SHD: variants seen among roughly 807,000 people sequenced by gnomAD.
SHD encodes Src homology 2 domain containing transforming protein D.
SHD carries 29 observed loss-of-function variants against 31.2 expected under a neutral mutation model. The observed-to-expected ratio is 0.93, with a 90% confidence interval of 0.69 to 1.27. The LOEUF is 1.27. Ranked by LOEUF, SHD falls within the 50% of genes most tolerant of loss-of-function variation. The pLI, the probability that SHD is intolerant of heterozygous loss-of-function variation, is 0.00. For missense variants in SHD, 520 were observed against 453.8 expected (o/e 1.15, Z -1.33); for synonymous variants, 208 against 187.8 (o/e 1.11, Z -0.88).
At chr19:4,288,509 G>T in intron 5 of SHD, 147 bp downstream of exon 5, 1 of 934,574 alleles carries the variant, frequency 1.1e-6, no homozygotes, top group Non-Finnish European at 1.5e-6. Flanking sequence ...AGGAGAAGGG[G>T]TGGGAGTTCT....
chr19:4,285,889 CTTTTTT>C lies in SHD; in HGVS notation c.716+1001_716+1006del, dbSNP rs56142317. On this transcript the variant is annotated intron_variant, in intron 4 of 5. Transcript: ENST00000543264. ...TCTTCTCTTTCTTTTCTTTTCCTTTCTTTTTTTTTTTTTTTTTTTTTGACAGAGCCT... is the reference window on the plus strand; with the variant it reads ...TCTTCTCTTTCTTTTCTTTTCCTTTCTTTTTTTTTTTTTTTGACAGAGCCT... 2.5e-3 allele frequency among the ~76,000 whole-genome samples: 215 copies of C among 87,364 alleles called. 3 individuals are homozygous for C. The highest frequency in any genetic ancestry group is 3.4e-3 in the Admixed American group (21 of 6,160). The allele number at this position is 87,364 out of a possible 152,430, so 57.3% of individuals were successfully genotyped here. A position where few individuals can be genotyped will look rare whatever the true frequency, so the allele number is the denominator to read the frequency against.
chr19:4,279,080 TC>T (rs1479349668), upstream of SHD: 1 of 151,680 alleles, frequency 6.6e-6, no homozygotes, highest in Non-Finnish European at 1.5e-5. This position sits in a 1 kb window ranked among gnomAD's most constrained non-coding sequence, Gnocchi z 7.5. Context: ...GTCTCGGGCG[TC>T]CCGGTCAGTG....
In SHD at chr19:4,290,645, G is replaced by C. The variant is rs768212203; in HGVS notation, c.*12G>C. Reference sequence around the variant, plus strand: ...CGCAGACCCCCTGACAGTGACCCTCGGCCCCCTTTTGAGTCCTCGGGCCCA... The same window carrying C: ...CGCAGACCCCCTGACAGTGACCCTCCGCCCCCTTTTGAGTCCTCGGGCCCA... On this transcript the variant is annotated 3_prime_UTR_variant, in exon 6 of 6. Transcript: ENST00000543264. 3.8e-6 allele frequency: 6 copies of C among 1,578,680 alleles called. No homozygotes were observed. Among genetic ancestry groups the C allele is most frequent in the Non-Finnish European group, 4.3e-6 (5 of 1,159,374 alleles).
At chr19:4,286,767 C>G (rs1971323323) in intron 4 of SHD, among the ~76,000 whole-genome samples, 1 of 151,956 alleles carries the variant, frequency 6.6e-6, no homozygotes, top group Non-Finnish European at 1.5e-5. Flanking sequence ...GTAATCCCAG[C>G]TACTCGGGAG....
rs764035671 is a variant in SHD at position 4,283,126 on chromosome 19, C to G, written c.476C>G (p.Pro159Arg). The change falls in exon 3 of 6, where the codon CCC becomes CGC. Residue 159 changes from proline (P) to arginine (R), a missense_variant. Physicochemically the swap from Pro to Arg is moderately radical, Grantham distance 103 (BLOSUM62 -2). Transcript: ENST00000543264. ...CAGGACCCAGAGACAGCAGATGGAC[C>G]CCCTTCTGGGCAGAAGCCTCGGCAG... ...EEQDPETADG[P>R]PSGQKPRQSR... 17 of 1,614,096 alleles carry G rather than the reference C, an allele frequency of 1.1e-5. No individual in the cohort carries two copies. Among genetic ancestry groups the G allele is most frequent in the Non-Finnish European group, 1.4e-5 (17 of 1,179,996 alleles).
chr19:4,284,828 G>A lies in SHD; in HGVS notation c.640G>A (p.Glu214Lys), dbSNP rs750291898. Residue 214 changes from glutamate (E) to lysine (K), a missense_variant, in exon 4 of 6, where the codon GAG becomes AAG. Transcript: ENST00000543264. The part of the protein sequence containing the change: ...EWERTPGSAK[E>K]LRRPPPRSPQ... ...GGAGAGGACTCCAGGCTCAGCCAAGGAGCTCCGGAGACCTCCGCCCAGAAG... is the reference window on the plus strand; with the variant it reads ...GGAGAGGACTCCAGGCTCAGCCAAGAAGCTCCGGAGACCTCCGCCCAGAAG... 6.2e-7 allele frequency: 1 copy of A among 1,613,122 alleles called. No homozygotes were observed. The highest frequency in any genetic ancestry group is 8.5e-7 in the Non-Finnish European group (1 of 1,179,532).
intron 5 of SHD, 86 bp from the exon 6 acceptor site, chr19:4,290,361 G>A (rs1428405623): frequency 4.1e-6 from 6 of 1,447,708 alleles, no homozygotes; most frequent in Non-Finnish European, 9.4e-7. Context: ...CACCTGGCCT[G>A]GGCACTGTGG....
In SHD at chr19:4,290,345, C is replaced by T. The variant is rs573123016; in HGVS notation, c.837-102C>T. Reference sequence around the variant, plus strand: ...TGCTGTTTACCAGAGACTGGAGACACACGAGCACCTGGCCTGGGCACTGTG... The same window carrying T: ...TGCTGTTTACCAGAGACTGGAGACATACGAGCACCTGGCCTGGGCACTGTG... On this transcript the variant is annotated intron_variant, in intron 5 of 5. Coordinates refer to ENST00000543264, the MANE Select transcript of SHD (RefSeq NM_020209.4). The T allele has an allele frequency of 7.1e-6, 9 of 1,275,412 alleles. No individual in the cohort carries two copies. The South Asian group carries it at 8.4e-5, about 12-fold the overall frequency. The allele number at this position is 1,275,412 out of a possible 1,614,324, so 79.0% of individuals were successfully genotyped here. A position where few individuals can be genotyped will look rare whatever the true frequency, so the allele number is the denominator to read the frequency against.
rs1225886679 is a variant in SHD, at chr19:4,283,307, G to A, written c.592+65G>A. The A allele has an allele frequency of 3.9e-5, 58 of 1,504,380 alleles. No homozygotes were observed. The East Asian group carries it at 1.2e-3, about 32-fold the overall frequency. The allele number at this position is 1,504,380 out of a possible 1,614,324, so 93.2% of individuals were successfully genotyped here. A position where few individuals can be genotyped will look rare whatever the true frequency, so the allele number is the denominator to read the frequency against. ...TCCCTGCATTTCCTCATCTGGTCAT[G>A]TCTCCTGTTTCAGTTTACAAAGTAG... On this transcript the variant is annotated intron_variant, in intron 3 of 5. Transcript: ENST00000543264.
chr19:4,288,093 C>G (rs1160558791), intron 4 of SHD, 150 bp from the exon 5 acceptor site: 36 of 819,418 alleles, frequency 4.4e-5, no homozygotes, highest in Non-Finnish European at 5.7e-5. Context: ...TTAGTAGAAA[C>G]GGGGTTTCAC....
chr19:4,284,933 C>T, intron 4 of SHD, 29 bp downstream of exon 4: 3 of 1,561,892 alleles, frequency 1.9e-6, no homozygotes, highest in Non-Finnish European at 2.6e-6. Context: ...GGTGGAAGAG[C>T]CCCGTTGAAC....
intron 5 of SHD, among the ~76,000 whole-genome samples, chr19:4,289,720 A>G (rs34466119): frequency 0.45 from 67,542 of 149,200 alleles, 16,364 homozygotes; most frequent in African/African-American, 0.63. Flanking sequence ...ACAGGCGCCC[A>G]CCACCACACC....
intron 4 of SHD, among the ~76,000 whole-genome samples, chr19:4,287,263 C>T (rs916726638): frequency 6.6e-6 from 1 of 150,670 alleles, no homozygotes; most frequent in Non-Finnish European, 1.5e-5. Context: ...ACCGGGGAGG[C>T]GGAGCTTACA....
rs1244077652 is a variant in SHD, at chr19:4,289,142, G to A, written c.836+780G>A. Among the ~76,000 whole-genome samples, 31 of 123,718 alleles carry A rather than the reference G, an allele frequency of 2.5e-4. No individual in the cohort carries two copies. In the Admixed American group the frequency reaches 2.6e-3, roughly 10 times the overall value. 81.2% of individuals were successfully genotyped at this position (123,718 alleles called of 152,430 possible). Reference sequence around the variant, plus strand: ...TTTTTTTTTTTTGAGACGGAGTCTAGCTCTGTCACCCAGGCTGGAGTGCAG... The same window carrying A: ...TTTTTTTTTTTTGAGACGGAGTCTAACTCTGTCACCCAGGCTGGAGTGCAG... On this transcript the variant is annotated intron_variant, in intron 5 of 5. Transcript: ENST00000543264.
In SHD at chr19:4,281,838, C is replaced by T. The variant is rs559817098; in HGVS notation, c.298-1032C>T. On this transcript the variant is annotated intron_variant, in intron 1 of 5. Coordinates refer to ENST00000543264, the MANE Select transcript of SHD (RefSeq NM_020209.4). ...GAAACCAGTCAGCCGGGATCAGACT[C>T]GGCCTCTTACTTACCAGCTGTGTGT... 7.2e-5 allele frequency among the ~76,000 whole-genome samples: 11 copies of T among 152,282 alleles called. No individual in the cohort carries two copies. In the South Asian group the frequency reaches 1.0e-3, roughly 14 times the overall value.
At chr19:4,288,864 G>A (rs755379897) in intron 5 of SHD, among the ~76,000 whole-genome samples, 1 of 152,050 alleles carries the variant, frequency 6.6e-6, no homozygotes, top group Non-Finnish European at 1.5e-5. Flanking sequence ...GGCTGAGCGC[G>A]GCAGCTGACG....
In SHD at chr19:4,283,128, C is replaced by A; in HGVS notation, c.478C>A (p.Pro160Thr). The change falls in exon 3 of 6, where the codon CCT becomes ACT. Residue 160 changes from proline to threonine, a missense_variant. Coordinates refer to ENST00000543264, the MANE Select transcript of SHD (RefSeq NM_020209.4). ...EQDPETADGPPSGQKPRQSRM... is the reference protein window; with the variant it reads ...EQDPETADGPTSGQKPRQSRM... ...GGACCCAGAGACAGCAGATGGACCC[C>A]CTTCTGGGCAGAAGCCTCGGCAGAG... 1 of 1,614,148 alleles carries A rather than the reference C, an allele frequency of 6.2e-7. No homozygotes were observed.
Position 4,280,213 on chromosome 19 carries a change from G to A in SHD, c.150G>A (p.Glu50=), listed in dbSNP as rs1440922496. 6.2e-7 allele frequency: 1 copy of A among 1,613,876 alleles called. No individual in the cohort carries two copies. Among genetic ancestry groups the A allele is most frequent in the South Asian group, 1.1e-5 (1 of 91,088 alleles). Residue 50 remains glutamate (E), a synonymous_variant, in exon 1 of 6, where the codon GAG becomes GAA. Coordinates refer to ENST00000543264, the MANE Select transcript of SHD (RefSeq NM_020209.4). ...TCGAGGACCCCTATGAGGACGCGGA[G>A]AGCCGCTTGGAGCCGGACCCCGCGG... is the stretch of plus-strand genomic sequence containing the variant. ...LDFEDPYEDA[E]SRLEPDPAGP...
At chr19:4,287,245 T>C (rs1166740447) in intron 4 of SHD, among the ~76,000 whole-genome samples, 2 of 151,164 alleles carry the variant, frequency 1.3e-5, no homozygotes, top group African/African-American at 4.9e-5. Context: ...GGCAGGAGAA[T>C]GGCGTGAACC....
Sources: allele counts gnomAD v4.1 joint callset (sites outside exome capture counted in the v4.1 genomes callset), GRCh38; gene constraint gnomAD v4.1.1; non-coding constraint Gnocchi (gnomAD v3.1); transcripts MANE v1.5; gene names NCBI Gene and HGNC (gene_info 2026-07-23, HGNC 2026-07-21).